SDK2: variants seen among roughly 807,000 people sequenced by gnomAD.
SDK2 encodes the protein protein sidekick-2.
A neutral mutation model predicts 253.9 loss-of-function variants in SDK2; 105 were observed. That is an observed-to-expected ratio of 0.41 (90% CI 0.35 to 0.49). SDK2 has a LOEUF of 0.49. Among genes scored for constraint, SDK2 ranks in the 20% least tolerant of loss-of-function variants. The pLI is 0.06. For synonymous variants in SDK2, 1,249 were observed against 1,234.9 expected, an observed-to-expected ratio of 1.01 and a Z score of -0.24; for missense variants, 2,608 against 3,003.0, an observed-to-expected ratio of 0.87 and a Z score of 3.07.
At chr17:73,417,177 G>A (rs1440594931) in intron 16 of SDK2, among the ~76,000 whole-genome samples, 3 of 151,166 alleles carry the variant, frequency 2.0e-5, no homozygotes, top group African/African-American at 7.3e-5. Context: ...GCCCAGGCAG[G>A]TGGATCACTT....
chr17:73,381,390 A>G (rs778899023), intron 33 of SDK2, among the ~76,000 whole-genome samples: 1 of 152,148 alleles, frequency 6.6e-6, no homozygotes, highest in Non-Finnish European at 1.5e-5. Context: ...GCAATATAAA[A>G]TCACAACCAC....
chr17:73,338,730 G>C lies in SDK2; in HGVS notation c.6376C>G (p.Leu2126Val), dbSNP rs778014782. 1.3e-5 allele frequency: 21 copies of C among 1,613,286 alleles called. No homozygotes were observed. Among genetic ancestry groups the C allele is most frequent in the Non-Finnish European group, 1.8e-5 (21 of 1,179,584 alleles). Reference sequence around the variant, plus strand: ...GTCCGACTGGCCTTGGGCCGAAAGAGGCTGCCCTGCTGGGTGCTGGTGCTG... The same window carrying C: ...GTCCGACTGGCCTTGGGCCGAAAGACGCTGCCCTGCTGGGTGCTGGTGCTG... ...TNSTSTQQGS[L>V]FRPKASRTPT... Residue 2126 changes from leucine to valine, a missense_variant, in exon 45 of 45, where the codon CTC becomes GTC. By Grantham distance (32) the Leu-to-Val change is conservative. This residue lies in a region of SDK2 where 1,103 missense variants were observed against 1,143.9 expected (regional missense o/e 0.96). Coordinates refer to ENST00000392650, the MANE Select transcript of SDK2 (RefSeq NM_001144952.2). This position sits in a 1 kb window ranked among gnomAD's most constrained non-coding sequence, Gnocchi z 5.0.
chr17:73,540,259 C>T (rs2044846772), intron 1 of SDK2, among the ~76,000 whole-genome samples: 1 of 152,198 alleles, frequency 6.6e-6, no homozygotes, highest in South Asian at 2.1e-4. Flanking sequence ...CCATCCTCAG[C>T]ATGGCAATAG....
chr17:73,366,017 G>A (rs9899809), intron 37 of SDK2, among the ~76,000 whole-genome samples: 1 of 152,066 alleles, frequency 6.6e-6, no homozygotes, highest in East Asian at 1.9e-4. Flanking sequence ...GGGCTCCCCT[G>A]ATGGGGAGGA....
intron 1 of SDK2, among the ~76,000 whole-genome samples, chr17:73,613,616 C>T (rs1476086384): frequency 6.8e-6 from 1 of 147,982 alleles, no homozygotes. Flanking sequence ...CAGCCCCCTC[C>T]CCCTACATAT....
In SDK2 at chr17:73,467,708, G is replaced by A. The variant is rs75597898; in HGVS notation, c.331+4404C>T. ...CCTTCCTTAGCTTGTCAGGAACTGCGTTCTTCTCAAGGGTCGGAAGGACTT... is the reference window on the plus strand; with the variant it reads ...CCTTCCTTAGCTTGTCAGGAACTGCATTCTTCTCAAGGGTCGGAAGGACTT... On this transcript the variant is annotated intron_variant, in intron 3 of 44. Coordinates refer to ENST00000392650, the MANE Select transcript of SDK2 (RefSeq NM_001144952.2). This position sits in a 1 kb window ranked among gnomAD's most constrained non-coding sequence, Gnocchi z 4.1. Among the ~76,000 whole-genome samples the A allele has an allele frequency of 1.7e-4, 26 of 152,290 alleles. No homozygotes were observed. In the East Asian group the frequency reaches 4.4e-3, roughly 26 times the overall value.
chr17:73,581,624 T>C (rs790083), intron 1 of SDK2, among the ~76,000 whole-genome samples: 56,913 of 152,180 alleles, frequency 0.37, 10,818 homozygotes, highest in South Asian at 0.45. Context: ...GACCAGCTGC[T>C]GCCCACCCCT....
Position 73,496,605 on chromosome 17 carries a change from G to A in SDK2, c.224+10833C>T, listed in dbSNP as rs1045668573. ...GTACTCCCTCGACCAAAATCCTTTC[G>A]AGACTGTCCACTGCCTGCTGGATAT... is the stretch of plus-strand genomic sequence containing the variant. On this transcript the variant is annotated intron_variant, in intron 2 of 44. Transcript: ENST00000392650. This position sits in a 1 kb window ranked among gnomAD's most constrained non-coding sequence, Gnocchi z 4.7. Among the ~76,000 whole-genome samples the A allele has an allele frequency of 6.6e-6, 1 of 152,050 alleles. No homozygotes were observed. Among genetic ancestry groups the A allele is most frequent in the African/African-American group, 2.4e-5 (1 of 41,390 alleles).
chr17:73,467,334 C>T lies in SDK2; in HGVS notation c.331+4778G>A, dbSNP rs557130122. Among the ~76,000 whole-genome samples, 1 of 152,064 alleles carries T rather than the reference C, an allele frequency of 6.6e-6. No individual in the cohort carries two copies. The highest frequency in any genetic ancestry group is 1.9e-4 in the East Asian group (1 of 5,136). On this transcript the variant is annotated intron_variant, in intron 3 of 44. Transcript: ENST00000392650. This position sits in a 1 kb window ranked among gnomAD's most constrained non-coding sequence, Gnocchi z 4.1. ...AATCAGGCAGTCATGGGTTCAAATC[C>T]CAGTTTTTCCTAACTGTGTGACTTA...
intron 33 of SDK2, among the ~76,000 whole-genome samples, chr17:73,381,855 C>G (rs1000858211): frequency 2.0e-5 from 3 of 150,788 alleles, no homozygotes; most frequent in African/African-American, 7.3e-5. Context: ...GATCATGCCA[C>G]TGTACTCTAG....
Position 73,472,999 on chromosome 17 carries a change from G to A in SDK2, c.225-781C>T, listed in dbSNP as rs375342170. Among the ~76,000 whole-genome samples, 23 of 152,264 alleles carry A rather than the reference G, an allele frequency of 1.5e-4. 2 individuals carry two copies. The highest frequency in any genetic ancestry group is 6.2e-4 in the South Asian group (3 of 4,822). ...TGAGTCCATTAAACCTCTTTCTTTC[G>A]TAAATTGCCCAGTCTCAGGTATGTC... On this transcript the variant is annotated intron_variant, in intron 2 of 44. Transcript: ENST00000392650.
intron 37 of SDK2, among the ~76,000 whole-genome samples, chr17:73,366,814 A>G (rs1050284460): frequency 6.6e-6 from 1 of 152,098 alleles, no homozygotes; most frequent in Non-Finnish European, 1.5e-5. Flanking sequence ...CACAGGCAGC[A>G]GGATTCTCAC....
intron 36 of SDK2, among the ~76,000 whole-genome samples, chr17:73,375,729 A>G (rs111589011): frequency 0.025 from 3,846 of 151,720 alleles, 155 homozygotes; most frequent in African/African-American, 0.087. Flanking sequence ...GGTGGCAGGC[A>G]CCTGTAATCC....
chr17:73,585,369 A>G (rs1399331800), intron 1 of SDK2, among the ~76,000 whole-genome samples: 2 of 152,224 alleles, frequency 1.3e-5, no homozygotes, highest in African/African-American at 2.4e-5. Context: ...CACGGATAAC[A>G]CAGGAGCTCT....
At chr17:73,403,988 T>A (rs2063050472) in intron 18 of SDK2, among the ~76,000 whole-genome samples, 1 of 152,232 alleles carries the variant, frequency 6.6e-6, no homozygotes, top group East Asian at 1.9e-4. Context: ...GTATAAAATC[T>A]GGGTAAATAT....
At chr17:73,506,037 T>G (rs1369499288) in intron 2 of SDK2, among the ~76,000 whole-genome samples, 1 of 152,216 alleles carries the variant, frequency 6.6e-6, no homozygotes, top group African/African-American at 2.4e-5. Context: ...TCCTCCTGGA[T>G]CCTGCCTCCG....
At chr17:73,579,609 C>T (rs1243697642) in intron 1 of SDK2, among the ~76,000 whole-genome samples, 2 of 152,192 alleles carry the variant, frequency 1.3e-5, no homozygotes, top group Non-Finnish European at 2.9e-5. Context: ...CAGATAGGGT[C>T]TTTGCAGAGG....
intron 1 of SDK2, among the ~76,000 whole-genome samples, chr17:73,568,771 A>T (rs1225506140): frequency 2.2e-5 from 3 of 138,516 alleles, no homozygotes; most frequent in African/African-American, 9.0e-5. Flanking sequence ...ATGAACCCCA[A>T]GCAGGATAAA....
In SDK2 at chr17:73,533,317, G is replaced by C. The variant is rs925379139; in HGVS notation, c.65-25720C>G. Among the ~76,000 whole-genome samples, 2 of 152,248 alleles carry C rather than the reference G, an allele frequency of 1.3e-5. 1 individual carries two copies. The highest frequency in any genetic ancestry group is 6.3e-3 in the Middle Eastern group (2 of 316). On this transcript the variant is annotated intron_variant, in intron 1 of 44. Coordinates refer to ENST00000392650, the MANE Select transcript of SDK2 (RefSeq NM_001144952.2). The stretch of plus-strand genomic sequence containing the variant: ...CTGGGGCCCCGGGGCCGACTGGCAC[G>C]GTGGCTTGGCCTGGATTCAGAGGCA...
Sources: allele counts gnomAD v4.1 joint callset (sites outside exome capture counted in the v4.1 genomes callset), GRCh38; gene constraint gnomAD v4.1.1; regional missense constraint gnomAD v4.1.1; non-coding constraint Gnocchi (gnomAD v3.1); transcripts MANE v1.5; gene names NCBI Gene and HGNC (gene_info 2026-07-23, HGNC 2026-07-21).